The following MAP9 variants were observed in gnomAD, a reference collection of about 807,000 sequenced individuals.
MAP9 encodes microtubule associated protein 9, also known as microtubule-associated protein 9.
In MAP9, 80 loss-of-function variants were observed where a neutral mutation model predicts 75.2. The observed-to-expected ratio is 1.06, with a 90% confidence interval of 0.89 to 1.28. The LOEUF (loss-of-function observed/expected upper bound fraction) is 1.28. Ranked by LOEUF, MAP9 falls within the 50% of genes most tolerant of loss-of-function variation. The pLI is 0.00. For missense variants in MAP9, 753 were observed against 719.9 expected (o/e 1.05, Z -0.53); for synonymous variants, 235 against 237.3 (o/e 0.99, Z 0.09).
chr4:155,350,066 G>T (rs1403703476), intron 13 of MAP9: 3 of 228,996 alleles, frequency 1.3e-5, no homozygotes, highest in Non-Finnish European at 2.7e-5. Context: ...CTGGTAATTG[G>T]CAAGAAAAAT....
chr4:155,369,118 C>T (rs773305814), intron 4 of MAP9, among the ~76,000 whole-genome samples: 68 of 151,936 alleles, frequency 4.5e-4, no homozygotes, highest in Non-Finnish European at 8.4e-4. Context: ...GTCAGGAGTT[C>T]GAGACCAGCC....
intron 2 of MAP9, 140 bp from the exon 3 acceptor site, chr4:155,375,161 C>G: frequency 3.3e-6 from 2 of 598,820 alleles, no homozygotes; most frequent in South Asian, 2.4e-5. Flanking sequence ...TTCCTGCAAG[C>G]TCACTTTATG....
chr4:155,373,157 A>T lies in MAP9; in HGVS notation c.460T>A (p.Ser154Thr). Residue 154 changes from serine (S) to threonine (T), a missense_variant, in exon 4 of 14, where the codon TCA (serine) becomes ACA (threonine). Physicochemically the swap from Ser to Thr is moderately conservative, Grantham distance 58. Coordinates refer to ENST00000311277, the MANE Select transcript of MAP9 (RefSeq NM_001039580.2). ...TTACCTGAAGATGTGCTTTTAATTG[A>T]AAGAATTCTGGGTTTAGGTTTCATT... ...IKMKPKPRIL[S>T]IKSTSSAENN... 1 of 1,561,658 alleles carries T rather than the reference A, an allele frequency of 6.4e-7. No homozygotes were observed. Among genetic ancestry groups the T allele is most frequent in the Non-Finnish European group, 8.7e-7 (1 of 1,154,744 alleles).
At chr4:155,350,080 T>C in intron 13 of MAP9, 1 of 228,964 alleles carries the variant, frequency 4.4e-6, no homozygotes, top group East Asian at 1.4e-4. Context: ...GAAAAATATT[T>C]TAGTCTTACC....
intron 4 of MAP9, 108 bp downstream of exon 4, chr4:155,373,028 C>T: frequency 3.0e-6 from 2 of 674,764 alleles, no homozygotes; most frequent in Admixed American, 3.7e-5. Context: ...GAAGTTAAGT[C>T]TGTCTTTTTT....
chr4:155,370,703 C>A (rs1732555993), intron 4 of MAP9, among the ~76,000 whole-genome samples: 1 of 152,142 alleles, frequency 6.6e-6, no homozygotes, highest in African/African-American at 2.4e-5. Flanking sequence ...TTAATACATT[C>A]AGTGCAAAAG....
rs1035995189 is a variant in MAP9 at position 155,344,804 on chromosome 4, ATTAT to A, written c.*2975_*2978del. ...AAATTTAAATTCTGTATACTACTTT[ATTAT>A]TTAGTATTAATATTTAAATTTATCC... On this transcript the variant is annotated 3_prime_UTR_variant, in exon 14 of 14. Coordinates refer to ENST00000311277, the MANE Select transcript of MAP9 (RefSeq NM_001039580.2). 12 of 151,916 alleles carry A rather than the reference ATTAT, an allele frequency of 7.9e-5. No homozygotes were observed. Among genetic ancestry groups the A allele is most frequent in the African/African-American group, 2.9e-4 (12 of 41,426 alleles). The allele number at this position is 151,916 out of a possible 1,614,324, so 9.4% of individuals were successfully genotyped here. A position where few individuals can be genotyped will look rare whatever the true frequency, so the allele number is the denominator to read the frequency against.
rs1731171016 is a variant in MAP9, at chr4:155,343,148, AT to A, written c.*4634del. The stretch of plus-strand genomic sequence containing the variant: ...TCATTCTTATTTCAAATAATAAAAA[AT>A]ATGTGTATGTTTGAAAATATGCACA... On this transcript the variant is annotated 3_prime_UTR_variant, in exon 14 of 14. Coordinates refer to ENST00000311277, the MANE Select transcript of MAP9 (RefSeq NM_001039580.2). The A allele has an allele frequency of 4.6e-5, 7 of 151,828 alleles. No homozygotes were observed. Among genetic ancestry groups the A allele is most frequent in the Admixed American group, 4.6e-4 (7 of 15,240 alleles). The allele number at this position is 151,828 out of a possible 1,614,324, so 9.4% of individuals were successfully genotyped here. A position where few individuals can be genotyped will look rare whatever the true frequency, so the allele number is the denominator to read the frequency against.
intron 4 of MAP9, among the ~76,000 whole-genome samples, chr4:155,371,573 G>A (rs1209357094): frequency 6.6e-6 from 1 of 151,680 alleles, no homozygotes; most frequent in Non-Finnish European, 1.5e-5. Context: ...GGTAATCAAT[G>A]TATACAATTA....
intron 7 of MAP9, among the ~76,000 whole-genome samples, chr4:155,359,677 A>ATAC (rs1578845519): frequency 6.6e-6 from 1 of 152,122 alleles, no homozygotes; most frequent in East Asian, 1.9e-4. Flanking sequence ...AAAGGATCAA[A>ATAC]TACGAATAAT....
intron 2 of MAP9, 43 bp from the exon 3 acceptor site, chr4:155,375,064 G>T: frequency 7.3e-7 from 1 of 1,369,228 alleles, no homozygotes; most frequent in South Asian, 1.3e-5. Context: ...AAACATGGAG[G>T]TATCATATTC....
rs1731309530 is a variant in MAP9 at position 155,347,000 on chromosome 4, G to A, written c.*783C>T. 1 of 152,204 alleles carries A rather than the reference G, an allele frequency of 6.6e-6. No individual in the cohort carries two copies. Among genetic ancestry groups the A allele is most frequent in the Non-Finnish European group, 1.5e-5 (1 of 68,024 alleles). 9.4% of individuals were successfully genotyped at this position (152,204 alleles called of 1,614,324 possible). Reference sequence around the variant, plus strand: ...GGCTTTAGTCAGGAAAATAATTATAGTGATAATGACCTTGAACTCCTGTGG... The same window carrying A: ...GGCTTTAGTCAGGAAAATAATTATAATGATAATGACCTTGAACTCCTGTGG... On this transcript the variant is annotated 3_prime_UTR_variant, in exon 14 of 14. Transcript: ENST00000311277.
At position 155,343,067 on chromosome 4, in the gene MAP9, T is replaced by C. The variant is rs1489618705; in HGVS notation, c.*4716A>G. ...AGAAAATTATATTAGCATGGAAATA[T>C]GTTCATGATATATCACTGAGTGAAA... is the stretch of plus-strand genomic sequence containing the variant. On this transcript the variant is annotated 3_prime_UTR_variant, in exon 14 of 14. Coordinates refer to ENST00000311277, the MANE Select transcript of MAP9 (RefSeq NM_001039580.2). 1.3e-5 allele frequency: 2 copies of C among 151,996 alleles called. No homozygotes were observed. The highest frequency in any genetic ancestry group is 2.1e-4 in the South Asian group (1 of 4,832). 9.4% of individuals were successfully genotyped at this position (151,996 alleles called of 1,614,324 possible). A position where few individuals can be genotyped will look rare whatever the true frequency, so the allele number is the denominator to read the frequency against.
At position 155,344,782 on chromosome 4, in the gene MAP9, T is replaced by A. The variant is rs571693426; in HGVS notation, c.*3001A>T. The A allele has an allele frequency of 6.6e-6, 1 of 152,122 alleles. No individual in the cohort carries two copies. Among genetic ancestry groups the A allele is most frequent in the East Asian group, 1.9e-4 (1 of 5,190 alleles). The allele number at this position is 152,122 out of a possible 1,614,324, so 9.4% of individuals were successfully genotyped here. ...TACCACTTTCTTCATTATTATGAAA[T>A]TTAAATTCTGTATACTACTTTATTA... On this transcript the variant is annotated 3_prime_UTR_variant, in exon 14 of 14. Transcript: ENST00000311277.
chr4:155,369,097 C>T (rs1364487403), intron 4 of MAP9, among the ~76,000 whole-genome samples: 2 of 152,010 alleles, frequency 1.3e-5, no homozygotes, highest in South Asian at 2.1e-4. Context: ...CCGAGGTGGG[C>T]AGATCATGAG....
chr4:155,373,241 C>A lies in MAP9; in HGVS notation c.376G>T (p.Val126Leu). 6.2e-7 allele frequency: 1 copy of A among 1,611,900 alleles called. No homozygotes were observed. The highest frequency in any genetic ancestry group is 1.1e-5 in the South Asian group (1 of 90,338). ...MAPDGCEDIVVKSFSESQNKD... is the reference protein window; with the variant it reads ...MAPDGCEDIVLKSFSESQNKD... ...TTTTGAGATTCAGAGAAAGATTTTA[C>A]AACAATGTCTTCACACCCATCAGGT... Residue 126 changes from valine to leucine, a missense_variant, in exon 4 of 14, where the codon GTA becomes TTA. Transcript: ENST00000311277.
At chr4:155,359,873 G>T (rs976531201) in intron 7 of MAP9, among the ~76,000 whole-genome samples, 1 of 151,856 alleles carries the variant, frequency 6.6e-6, no homozygotes, top group African/African-American at 2.4e-5. Flanking sequence ...AAAATATGAA[G>T]ACCTATGGAA....
chr4:155,374,455 T>C (rs1732746187), intron 3 of MAP9, among the ~76,000 whole-genome samples: 1 of 152,212 alleles, frequency 6.6e-6, no homozygotes, highest in South Asian at 2.1e-4. Flanking sequence ...ATAGTACTGA[T>C]ATATGAAACA....
chr4:155,373,707 G>T (rs568878103), intron 3 of MAP9, among the ~76,000 whole-genome samples: 2 of 152,176 alleles, frequency 1.3e-5, no homozygotes, highest in Admixed American at 6.5e-5. Context: ...TGTCTGTAGG[G>T]TACCAAACAA....
Sources: allele counts gnomAD v4.1 joint callset (sites outside exome capture counted in the v4.1 genomes callset), GRCh38; gene constraint gnomAD v4.1.1; transcripts MANE v1.5; gene names NCBI Gene and HGNC (gene_info 2026-07-23, HGNC 2026-07-21).